Variants in ARL14EPL observed in about 807,000 individuals in gnomAD.
ARL14EPL encodes ARF like GTPase 14 effector protein like, also known as ARL14 effector protein-like.
In ARL14EPL, 17 loss-of-function variants were observed where a neutral mutation model predicts 15.9. The ratio of observed to expected loss-of-function variants is 1.07; its 90% confidence interval spans 0.73 to 1.60. The LOEUF (loss-of-function observed/expected upper bound fraction) is 1.60. Among genes scored for constraint, ARL14EPL ranks in the 40% most tolerant of loss-of-function variants. ARL14EPL has a pLI of 0.00. For synonymous variants in ARL14EPL, 78 were observed against 63.8 expected, an observed-to-expected ratio of 1.22 and a Z score of -1.06; for missense variants, 214 against 185.9, an observed-to-expected ratio of 1.15 and a Z score of -0.88.
intron 1 of ARL14EPL, among the ~76,000 whole-genome samples, chr5:116,041,268 A>G (rs889421098): frequency 3.9e-5 from 6 of 152,146 alleles, no homozygotes; most frequent in African/African-American, 1.2e-4. Flanking sequence ...GCATATATCC[A>G]CTGCTGAAGT....
chr5:116,046,303 G>T (rs553669942), intron 1 of ARL14EPL, among the ~76,000 whole-genome samples: 1 of 152,270 alleles, frequency 6.6e-6, no homozygotes, highest in Admixed American at 6.5e-5. Context: ...TAAATGGAAC[G>T]TTTCTTGCTT....
intron 1 of ARL14EPL, among the ~76,000 whole-genome samples, chr5:116,042,050 C>T (rs906009224): frequency 6.6e-6 from 1 of 151,956 alleles, no homozygotes; most frequent in Admixed American, 6.6e-5. Context: ...AGGCTGGTCT[C>T]GAATGTCTGG....
rs1405780304 is a variant in ARL14EPL at position 116,059,081 on chromosome 5, G to C, written c.*134G>C. On this transcript the variant is annotated 3_prime_UTR_variant, in exon 4 of 4. Transcript: ENST00000686077. ...AAGACTCATGTTCTGTCAAGCCCCA[G>C]AACAATGTAGAATGGGCAATAATTC... The C allele has an allele frequency of 1.2e-6, 1 of 809,610 alleles. No homozygotes were observed. The highest frequency in any genetic ancestry group is 1.7e-5 in the African/African-American group (1 of 58,182). The allele number at this position is 809,610 out of a possible 1,614,324, so 50.2% of individuals were successfully genotyped here.
chr5:116,044,523 GTAGTGCTAT>G (rs1749228593), intron 1 of ARL14EPL, among the ~76,000 whole-genome samples: 1 of 151,958 alleles, frequency 6.6e-6, no homozygotes, highest in Non-Finnish European at 1.5e-5. Context: ...GTATATATAT[GTAGTGCTAT>G]TAGTGCTATT....
At chr5:116,037,670 T>C (rs954297921) in intron 1 of ARL14EPL, among the ~76,000 whole-genome samples, 9 of 152,266 alleles carry the variant, frequency 5.9e-5, no homozygotes, top group African/African-American at 1.9e-4. Flanking sequence ...AAGAGAGTTC[T>C]ACATTATTCT....
At chr5:116,035,932 C>G (rs1251197324) in intron 1 of ARL14EPL, among the ~76,000 whole-genome samples, 1 of 152,254 alleles carries the variant, frequency 6.6e-6, no homozygotes, top group Non-Finnish European at 1.5e-5. Context: ...CCGACGGAAA[C>G]TGGAAGCAAA....
chr5:116,052,104 C>G, intron 2 of ARL14EPL: 1 of 1,613,232 alleles, frequency 6.2e-7, no homozygotes, highest in South Asian at 1.1e-5. Flanking sequence ...TAGTTGGGAA[C>G]TTCCTTACAG....
intron 1 of ARL14EPL, among the ~76,000 whole-genome samples, chr5:116,036,775 T>TAA (rs1189801290): frequency 6.6e-6 from 1 of 152,220 alleles, no homozygotes; most frequent in African/African-American, 2.4e-5. Flanking sequence ...ATTGTAACTA[T>TAA]AAAACAGATT....
At chr5:116,046,213 A>T (rs988982794) in intron 1 of ARL14EPL, among the ~76,000 whole-genome samples, 9 of 152,184 alleles carry the variant, frequency 5.9e-5, no homozygotes, top group African/African-American at 1.9e-4. Flanking sequence ...ATTCCAAGAG[A>T]TATCTTACAG....
intron 1 of ARL14EPL, among the ~76,000 whole-genome samples, chr5:116,041,404 T>C (rs959913042): frequency 7.2e-5 from 11 of 152,146 alleles, no homozygotes; most frequent in Admixed American, 3.9e-4. Context: ...ACTGAAGTAG[T>C]TTTATCCTAT....
At chr5:116,033,060 A>G (rs1748987624) in intron 1 of ARL14EPL, among the ~76,000 whole-genome samples, 1 of 152,086 alleles carries the variant, frequency 6.6e-6, no homozygotes, top group African/African-American at 2.4e-5. Context: ...CAGCCTGCCA[A>G]AGTGCTGGGA....
chr5:116,051,428 T>C (rs995620522), intron 1 of ARL14EPL, 29 bp from the exon 2 acceptor site: 4 of 1,307,248 alleles, frequency 3.1e-6, no homozygotes, highest in African/African-American at 1.5e-5. Flanking sequence ...GATATTAATA[T>C]GTTTTACTTT....
intron 2 of ARL14EPL, chr5:116,051,799 C>A (rs1370298511): frequency 1.3e-6 from 1 of 792,776 alleles, no homozygotes; most frequent in Admixed American, 2.8e-5. Flanking sequence ...GTGTTCTGTA[C>A]AATAAAATTC....
At position 116,051,499 on chromosome 5, in the gene ARL14EPL, C is replaced by G. The variant is rs1749378779; in HGVS notation, c.34C>G (p.Gln12Glu). Reference protein sequence around the residue: ...NEQSEKNNSIQERHTDHSFPE... With the variant: ...NEQSEKNNSIEERHTDHSFPE... Reference sequence around the variant, plus strand: ...ACAATCAGAGAAAAACAATTCCATTCAAGAGAGACACACAGATCATAGTTT... The same window carrying G: ...ACAATCAGAGAAAAACAATTCCATTGAAGAGAGACACACAGATCATAGTTT... Residue 12 changes from glutamine to glutamate, a missense_variant, in exon 2 of 4, where the codon CAA becomes GAA. Transcript: ENST00000686077. The G allele has an allele frequency of 6.5e-7, 1 of 1,535,566 alleles. No homozygotes were observed. Among genetic ancestry groups the G allele is most frequent in the Admixed American group, 2.0e-5 (1 of 50,966 alleles).
chr5:116,043,345 G>C (rs889058045), intron 1 of ARL14EPL, among the ~76,000 whole-genome samples: 6 of 151,876 alleles, frequency 4.0e-5, no homozygotes, highest in Non-Finnish European at 7.4e-5. Context: ...TCCTTCATTT[G>C]AAAAAGCAAC....
At chr5:116,043,700 C>T (rs1394165097) in intron 1 of ARL14EPL, among the ~76,000 whole-genome samples, 4 of 152,102 alleles carry the variant, frequency 2.6e-5, no homozygotes, top group East Asian at 1.9e-4. Context: ...GGTTCAGTGC[C>T]GTGGTGCACT....
At chr5:116,041,579 C>T (rs867872893) in intron 1 of ARL14EPL, among the ~76,000 whole-genome samples, 27 of 152,216 alleles carry the variant, frequency 1.8e-4, no homozygotes, top group African/African-American at 6.3e-4. Context: ...GGGAATGATG[C>T]TCATTAGAGT....
intron 3 of ARL14EPL, among the ~76,000 whole-genome samples, chr5:116,055,158 C>T (rs1257258939): frequency 6.6e-6 from 1 of 152,194 alleles, no homozygotes; most frequent in Admixed American, 6.5e-5. Context: ...AAGTGCCATA[C>T]TCCCCAGGGA....
At chr5:116,039,524 T>C (rs1346192517) in intron 1 of ARL14EPL, among the ~76,000 whole-genome samples, 44 of 152,046 alleles carry the variant, frequency 2.9e-4, no homozygotes, top group Admixed American at 2.9e-3. Context: ...AAAGGAGAGA[T>C]GATACAAAGC....
Sources: gnomAD v4.1 joint callset for allele counts (sites outside exome capture counted in the v4.1 genomes callset) on GRCh38, gnomAD v4.1.1 for gene constraint, MANE v1.5 for transcripts, NCBI Gene and HGNC (gene_info 2026-07-23, HGNC 2026-07-21) for gene names.